The following SGCD variants were observed in gnomAD, a reference collection of about 807,000 sequenced individuals.
SGCD encodes the protein sarcoglycan delta, also known as delta-sarcoglycan.
Under a neutral mutation model 36.6 loss-of-function variants are expected in SGCD, and 18 were observed. That is an observed-to-expected ratio of 0.49 (90% CI 0.34 to 0.73). SGCD has a LOEUF of 0.73. SGCD is among the 30% of genes least tolerant of loss of function. SGCD has a pLI of 0.01. For synonymous variants in SGCD, 133 were observed against 130.6 expected (o/e 1.02, Z -0.12); for missense variants, 387 against 346.7 (o/e 1.12, Z -0.92).
chr5:156,651,740 G>A (rs1181576192), intron 7 of SGCD, among the ~76,000 whole-genome samples: 1 of 151,906 alleles, frequency 6.6e-6, no homozygotes, highest in Non-Finnish European at 1.5e-5. Context: ...TGATAGCTCT[G>A]GAGTTTTTCT....
At chr5:156,069,758 A>G (rs944109131) in intron 1 of SGCD, among the ~76,000 whole-genome samples, 1 of 141,678 alleles carries the variant, frequency 7.1e-6, no homozygotes, top group Non-Finnish European at 1.5e-5. Flanking sequence ...ACCCATAAGC[A>G]TGGAATGAAA....
chr5:155,927,632 A>G (rs1201630040), intron 1 of SGCD, among the ~76,000 whole-genome samples: 1 of 152,216 alleles, frequency 6.6e-6, no homozygotes, highest in Non-Finnish European at 1.5e-5. Context: ...TAATTGGTAA[A>G]GCAGTAGCAG....
At chr5:156,436,480 C>T (rs1753253136) in intron 3 of SGCD, among the ~76,000 whole-genome samples, 1 of 152,140 alleles carries the variant, frequency 6.6e-6, no homozygotes, top group Non-Finnish European at 1.5e-5. Flanking sequence ...GGATTCTGTT[C>T]CTTATCTCTG....
intron 3 of SGCD, among the ~76,000 whole-genome samples, 191 bp from the exon 4 acceptor site, chr5:156,508,410 A>G (rs566171705): frequency 6.6e-6 from 1 of 152,284 alleles, no homozygotes; most frequent in East Asian, 1.9e-4. Flanking sequence ...AGAAAGAGTG[A>G]AAAAGATAAT....
chr5:156,703,197 A>T (rs1754596291), intron 7 of SGCD, among the ~76,000 whole-genome samples: 2 of 152,156 alleles, frequency 1.3e-5, no homozygotes, highest in Non-Finnish European at 2.9e-5. Flanking sequence ...GTGTCAGGCT[A>T]CCTTGTTAGC....
chr5:156,635,039 A>G (rs568727716), intron 6 of SGCD, among the ~76,000 whole-genome samples: 1 of 151,726 alleles, frequency 6.6e-6, no homozygotes, highest in South Asian at 2.1e-4. Flanking sequence ...CCTGGGCAAC[A>G]TGGTAAAACC....
At chr5:156,664,918 A>G (rs1337402163) in intron 7 of SGCD, among the ~76,000 whole-genome samples, 62 of 145,640 alleles carry the variant, frequency 4.3e-4, no homozygotes, top group Non-Finnish European at 6.6e-4. Flanking sequence ...CATCGGTTCT[A>G]ACGTTACTGG....
At chr5:156,345,012 T>G (rs777999281) in intron 3 of SGCD, among the ~76,000 whole-genome samples, 15 of 152,206 alleles carry the variant, frequency 9.9e-5, no homozygotes, top group Non-Finnish European at 1.6e-4. Flanking sequence ...AAATTCAAAG[T>G]ATTAAGTTTT....
At position 156,601,242 on chromosome 5, in the gene SGCD, G is replaced by A. The variant is rs1486409882; in HGVS notation, c.502+6191G>A. 2.6e-5 allele frequency among the ~76,000 whole-genome samples: 4 copies of A among 151,974 alleles called. No homozygotes were observed. In the East Asian group the frequency reaches 5.8e-4, roughly 22 times the overall value. ...CAATATCATGAAGTATTTTCTCTAC[G>A]CTTTCTTCTAGTATTGTAGTTTTGG... is the stretch of plus-strand genomic sequence containing the variant. On this transcript the variant is annotated intron_variant, in intron 6 of 8. Coordinates refer to ENST00000337851, the MANE Select transcript of SGCD (RefSeq NM_000337.6).
At chr5:156,336,321 C>G (rs957686503) in intron 2 of SGCD, among the ~76,000 whole-genome samples, 1 of 152,202 alleles carries the variant, frequency 6.6e-6, no homozygotes, top group African/African-American at 2.4e-5. Context: ...GCTTAACCAT[C>G]TCTTAAACAG....
chr5:156,545,287 G>T (rs758341454), intron 4 of SGCD, among the ~76,000 whole-genome samples: 18 of 152,130 alleles, frequency 1.2e-4, no homozygotes, highest in Non-Finnish European at 1.9e-4. Context: ...AGTTTATCAA[G>T]AGTAGTGGAT....
the SGCD span, among the ~76,000 whole-genome samples, chr5:155,805,325 C>A: frequency 8.5e-5 from 13 of 152,264 alleles, no homozygotes; most frequent in African/African-American, 3.1e-4. Flanking sequence ...GAGGTAGTGA[C>A]TGGCAGTCTG....
At chr5:155,821,856 C>A in the SGCD span, among the ~76,000 whole-genome samples, 1 of 151,968 alleles carries the variant, frequency 6.6e-6, no homozygotes, top group African/African-American at 2.4e-5. Context: ...AATAGATGTC[C>A]TTTGCTGAAA....
At chr5:156,665,434 T>C (rs1764115482) in intron 7 of SGCD, among the ~76,000 whole-genome samples, 1 of 152,262 alleles carries the variant, frequency 6.6e-6, no homozygotes, top group African/African-American at 2.4e-5. Flanking sequence ...TTCATTACAA[T>C]CTATTAAACA....
chr5:156,543,922 T>C (rs900945980), intron 4 of SGCD, among the ~76,000 whole-genome samples: 2 of 152,228 alleles, frequency 1.3e-5, no homozygotes, highest in African/African-American at 2.4e-5. Flanking sequence ...CAGCTTCCAC[T>C]GCAGTTTTGT....
At chr5:155,971,137 C>T (rs1019091296) in intron 1 of SGCD, among the ~76,000 whole-genome samples, 2 of 151,950 alleles carry the variant, frequency 1.3e-5, no homozygotes. Flanking sequence ...CTGTGGTCAC[C>T]CCTGGCTACA....
At chr5:155,873,112 T>A (rs1055929117) in intron 1 of SGCD, among the ~76,000 whole-genome samples, 10 of 152,128 alleles carry the variant, frequency 6.6e-5, no homozygotes, top group African/African-American at 2.4e-4. Context: ...AAGGGCATCT[T>A]CTGTAGTTTC....
chr5:156,687,485 A>G (rs1261039161), intron 7 of SGCD, among the ~76,000 whole-genome samples: 2 of 152,200 alleles, frequency 1.3e-5, no homozygotes, highest in Non-Finnish European at 2.9e-5. Flanking sequence ...ATAAAATTCA[A>G]CTTGTGTTGG....
intron 3 of SGCD, among the ~76,000 whole-genome samples, chr5:156,206,971 T>C (rs1029240070): frequency 5.9e-5 from 9 of 152,108 alleles, no homozygotes; most frequent in Non-Finnish European, 1.0e-4. Flanking sequence ...AGACCTAAGC[T>C]GAAATGTTTA....
Sources: allele counts gnomAD v4.1 joint callset (sites outside exome capture counted in the v4.1 genomes callset), GRCh38; gene constraint gnomAD v4.1.1; transcripts MANE v1.5; gene names NCBI Gene and HGNC (gene_info 2026-07-23, HGNC 2026-07-21).